Variants in MKLN1 observed in about 807,000 individuals in gnomAD.
MKLN1 encodes muskelin.
MKLN1 carries 18 observed loss-of-function variants against 99.0 expected under a neutral mutation model. The observed-to-expected ratio is 0.18, with a 90% CI of 0.13 to 0.27. The LOEUF (loss-of-function observed/expected upper bound fraction) is 0.27, where lower values mean the gene tolerates loss of function less well. MKLN1 is among the 10% of genes least tolerant of loss of function. The pLI is 1.00. For missense variants in MKLN1, 621 were observed against 875.9 expected, an observed-to-expected ratio of 0.71 and a Z score of 3.67; for synonymous variants, 288 against 293.2, an observed-to-expected ratio of 0.98 and a Z score of 0.18.
chr7:131,446,933 T>C (rs1007681516), intron 12 of MKLN1, among the ~76,000 whole-genome samples: 1 of 152,134 alleles, frequency 6.6e-6, no homozygotes, highest in Non-Finnish European at 1.5e-5. Flanking sequence ...CAGATAAAAG[T>C]AGACTCAATA....
chr7:131,248,512 C>A (rs578187226), intron 3 of MKLN1, among the ~76,000 whole-genome samples: 1 of 152,164 alleles, frequency 6.6e-6, no homozygotes, highest in Non-Finnish European at 1.5e-5. Context: ...CTTTCACATA[C>A]ATTTTCTCAT....
intron 3 of MKLN1, among the ~76,000 whole-genome samples, chr7:131,214,479 G>T (rs1398301810): frequency 1.3e-5 from 2 of 152,162 alleles, no homozygotes; most frequent in Non-Finnish European, 2.9e-5. Flanking sequence ...CAGCCATCTT[G>T]TCACTCTGAG....
intron 1 of MKLN1, among the ~76,000 whole-genome samples, chr7:131,134,331 C>T (rs185215220): frequency 1.5e-4 from 23 of 152,214 alleles, no homozygotes; most frequent in Non-Finnish European, 2.9e-4. Flanking sequence ...GGGTCCTTCT[C>T]CACTGACAGC....
In MKLN1 at chr7:131,487,816, C is replaced by T. The variant is rs1039746675; in HGVS notation, c.*88C>T. ...GCTCCACTGACTGACAGTAAAGCTGCAGTGATTGAGGACTGCACCAGAGTT... is the reference window on the plus strand; with the variant it reads ...GCTCCACTGACTGACAGTAAAGCTGTAGTGATTGAGGACTGCACCAGAGTT... On this transcript the variant is annotated 3_prime_UTR_variant, in exon 18 of 18. Transcript: ENST00000352689. The surrounding 1 kb of genome is among the most constrained non-coding windows in gnomAD (Gnocchi z 4.7). The T allele has an allele frequency of 3.8e-5, 57 of 1,490,174 alleles. No homozygotes were observed. The highest frequency in any genetic ancestry group is 4.8e-5 in the Non-Finnish European group (53 of 1,098,174). The allele number at this position is 1,490,174 out of a possible 1,614,324, so 92.3% of individuals were successfully genotyped here.
Position 131,494,147 on chromosome 7 carries a change from T to A in MKLN1, c.*6419T>A, listed in dbSNP as rs973508166. On this transcript the variant is annotated 3_prime_UTR_variant, in exon 18 of 18. Transcript: ENST00000352689. Reference sequence around the variant, plus strand: ...ACTAGTTTCCTTGCCTTAAATTAATTATATGTCATCCCAAGGGTCTCTGTT... The same window carrying A: ...ACTAGTTTCCTTGCCTTAAATTAATAATATGTCATCCCAAGGGTCTCTGTT... The A allele has an allele frequency of 1.3e-5, 2 of 152,224 alleles. No individual in the cohort carries two copies. Among genetic ancestry groups the A allele is most frequent in the Admixed American group, 6.5e-5 (1 of 15,284 alleles). The allele number at this position is 152,224 out of a possible 1,614,324, so 9.4% of individuals were successfully genotyped here. A position where few individuals can be genotyped will look rare whatever the true frequency, so the allele number is the denominator to read the frequency against.
intron 12 of MKLN1, among the ~76,000 whole-genome samples, chr7:131,460,446 C>CT (rs1361517482): frequency 6.6e-6 from 1 of 152,216 alleles, no homozygotes; most frequent in Non-Finnish European, 1.5e-5. Context: ...CACATACTGT[C>CT]AACCAAGCTT....
chr7:131,382,931 G>A (rs948179593), intron 2 of MKLN1, among the ~76,000 whole-genome samples: 6 of 151,984 alleles, frequency 3.9e-5, no homozygotes, highest in Non-Finnish European at 5.9e-5. Context: ...CACCGTGTTA[G>A]CTAGGATGGT....
At chr7:131,185,623 T>C (rs985608907) in intron 2 of MKLN1, among the ~76,000 whole-genome samples, 3 of 151,840 alleles carry the variant, frequency 2.0e-5, no homozygotes, top group Non-Finnish European at 4.4e-5. Context: ...GGAGTAGAAA[T>C]GGATTTATGC....
chr7:131,192,344 TATA>T (rs1298429398), intron 2 of MKLN1, among the ~76,000 whole-genome samples: 1 of 100,688 alleles, frequency 9.9e-6, no homozygotes, highest in Non-Finnish European at 1.9e-5. Flanking sequence ...ATATATAAAA[TATA>T]ATATATACAA....
intron 3 of MKLN1, among the ~76,000 whole-genome samples, chr7:131,214,981 G>A (rs553862065): frequency 6.6e-6 from 1 of 152,118 alleles, no homozygotes; most frequent in Non-Finnish European, 1.5e-5. Flanking sequence ...TCTTTTGTTT[G>A]CTAGTAAATG....
At chr7:131,140,776 T>TA (rs1795719198) in intron 1 of MKLN1, among the ~76,000 whole-genome samples, 1 of 149,920 alleles carries the variant, frequency 6.7e-6, no homozygotes, top group South Asian at 2.1e-4. Context: ...ACACCATCCT[T>TA]TTTTTTTTTG....
At chr7:131,329,642 T>C (rs1799012045) in intron 1 of MKLN1, among the ~76,000 whole-genome samples, 1 of 152,228 alleles carries the variant, frequency 6.6e-6, no homozygotes, top group Non-Finnish European at 1.5e-5. Context: ...AAATTTTTGA[T>C]GTAGGCCTGA....
chr7:131,394,313 C>A (rs1794294051), intron 4 of MKLN1, among the ~76,000 whole-genome samples: 1 of 151,976 alleles, frequency 6.6e-6, no homozygotes, highest in Non-Finnish European at 1.5e-5. Context: ...CTTTTTGACA[C>A]CAGCGACCAG....
At chr7:131,412,802 T>G (rs1794916375) in intron 7 of MKLN1, among the ~76,000 whole-genome samples, 1 of 152,216 alleles carries the variant, frequency 6.6e-6, no homozygotes. Context: ...CTTTTTTCAT[T>G]GTGGTCTTCA....
rs560456411 is a variant in MKLN1 at position 131,110,591 on chromosome 7, G to A, written c.-419+384G>A. On this transcript the variant is annotated intron_variant, in intron 1 of 7. Transcript: ENST00000416992. ...TTCTGGGTTGTCTTGTTCAAAACTA[G>A]TGAAAGGGATGGGAAACCTGCCCAA... is the stretch of plus-strand genomic sequence containing the variant. 2.0e-5 allele frequency among the ~76,000 whole-genome samples: 3 copies of A among 152,284 alleles called. No individual in the cohort carries two copies. The East Asian group carries it at 5.8e-4, about 29-fold the overall frequency.
intron 5 of MKLN1, among the ~76,000 whole-genome samples, chr7:131,398,193 G>A (rs1043134647): frequency 2.6e-5 from 4 of 152,036 alleles, no homozygotes; most frequent in Non-Finnish European, 4.4e-5. Flanking sequence ...TTGAATAGTG[G>A]TATACTTAGG....
chr7:131,282,180 T>C (rs1051105848), intron 3 of MKLN1, among the ~76,000 whole-genome samples: 17 of 151,412 alleles, frequency 1.1e-4, no homozygotes, highest in African/African-American at 4.1e-4. Context: ...AGAAACTTCA[T>C]CTCTACTAAA....
At chr7:131,122,461 T>C (rs1795387595) in intron 1 of MKLN1, among the ~76,000 whole-genome samples, 1 of 152,174 alleles carries the variant, frequency 6.6e-6, no homozygotes, top group African/African-American at 2.4e-5. Context: ...TCTGAGTCAT[T>C]TTTATCTTTA....
At chr7:131,326,080 AC>A (rs1354712288), upstream of MKLN1, among the ~76,000 whole-genome samples, 5 of 152,186 alleles carry the variant, frequency 3.3e-5, no homozygotes, top group African/African-American at 4.8e-5. Context: ...AAGAACAAGG[AC>A]TTGACTTACA....
Sources: allele counts gnomAD v4.1 joint callset (sites outside exome capture counted in the v4.1 genomes callset), GRCh38; gene constraint gnomAD v4.1.1; non-coding constraint Gnocchi (gnomAD v3.1); transcripts MANE v1.5; gene names NCBI Gene and HGNC (gene_info 2026-07-23, HGNC 2026-07-21).